The following LRRC37A2 variants were observed in gnomAD, a reference collection of about 807,000 sequenced individuals.
The protein encoded by LRRC37A2 is leucine-rich repeat-containing protein 37A2.
Under a neutral mutation model 68.8 loss-of-function variants are expected in LRRC37A2, and 9 were observed. The ratio of observed to expected loss-of-function variants is 0.13; its 90% CI spans 0.08 to 0.23. LRRC37A2 has a LOEUF of 0.23. LRRC37A2 is among the 10% of genes least tolerant of loss of function. The pLI is 1.00. For missense variants in LRRC37A2, 168 were observed against 950.4 expected (o/e 0.18, Z 10.82); for synonymous variants, 63 against 367.6 (o/e 0.17, Z 9.48).
chr17:46,557,152 G>A (rs1241079711), downstream of LRRC37A2: 3 of 557,568 alleles, frequency 5.4e-6, no homozygotes, highest in African/African-American at 6.3e-5. Flanking sequence ...ATTTCCAAGG[G>A]TTTTAGGAGC....
intron 11 of LRRC37A2, among the ~76,000 whole-genome samples, chr17:46,551,771 CCT>C (rs1324891664): frequency 7.8e-6 from 1 of 127,710 alleles, no homozygotes; most frequent in East Asian, 2.3e-4. Flanking sequence ...ACAGCTAGGC[CCT>C]GTCTTAAAAA....
chr17:46,920,895 G>A, the LRRC37A2 span, among the ~76,000 whole-genome samples: 2 of 152,160 alleles, frequency 1.3e-5, no homozygotes, highest in Admixed American at 6.5e-5. Flanking sequence ...GAAATCAGAA[G>A]AGAGGGAAAA....
At chr17:46,939,314 T>G in the LRRC37A2 span, 4 of 1,012,876 alleles carry the variant, frequency 3.9e-6, no homozygotes, top group Non-Finnish European at 4.7e-6. Context: ...CTTGTCACCA[T>G]TCCCTGGAAG....
chr17:46,880,325 CA>C, the LRRC37A2 span, among the ~76,000 whole-genome samples: 1 of 152,218 alleles, frequency 6.6e-6, no homozygotes, highest in Non-Finnish European at 1.5e-5. Flanking sequence ...CCATGAACTT[CA>C]AATGCTTTCT....
intron 11 of LRRC37A2, chr17:46,553,139 C>A (rs1598559449): frequency 1.6e-6 from 1 of 608,682 alleles, no homozygotes; most frequent in South Asian, 8.1e-5. Flanking sequence ...AAATATTACA[C>A]CATTATATGT....
At chr17:46,911,797 T>A in the LRRC37A2 span, among the ~76,000 whole-genome samples, 1 of 152,096 alleles carries the variant, frequency 6.6e-6, no homozygotes, top group Non-Finnish European at 1.5e-5. Flanking sequence ...GGCAGGAGAA[T>A]CGCTTGAACT....
chr17:46,805,810 C>A, the LRRC37A2 span, among the ~76,000 whole-genome samples: 1 of 152,104 alleles, frequency 6.6e-6, no homozygotes, highest in African/African-American at 2.4e-5. Flanking sequence ...AAAACCTGGG[C>A]CTGGATTAAG....
At chr17:46,496,966 TTAG>T in the LRRC37A2 span, among the ~76,000 whole-genome samples, 7 of 144,134 alleles carry the variant, frequency 4.9e-5, no homozygotes, top group East Asian at 1.4e-3. Context: ...GTGTTTTATA[TTAG>T]TAGTATAATA....
the LRRC37A2 span, among the ~76,000 whole-genome samples, chr17:46,840,701 G>A: frequency 2.0e-5 from 3 of 152,178 alleles, no homozygotes; most frequent in Non-Finnish European, 4.4e-5. Flanking sequence ...ATTCTAACTG[G>A]CGTGAGATGG....
At chr17:46,948,492 T>A in the LRRC37A2 span, 1 of 152,262 alleles carries the variant, frequency 6.6e-6, no homozygotes. Flanking sequence ...CCTGTGTTCT[T>A]CATCAGAAGA....
At chr17:46,711,145 T>A in the LRRC37A2 span, 1 of 1,469,600 alleles carries the variant, frequency 6.8e-7, no homozygotes, top group Non-Finnish European at 9.0e-7. Context: ...GAGATGGCAT[T>A]AAAAGTTAAA....
At chr17:47,007,617 T>TG in the LRRC37A2 span, among the ~76,000 whole-genome samples, 1 of 152,236 alleles carries the variant, frequency 6.6e-6, no homozygotes, top group Non-Finnish European at 1.5e-5. Context: ...AATGAATCTT[T>TG]GGCCAATAAC....
chr17:46,996,323 G>A, the LRRC37A2 span, among the ~76,000 whole-genome samples: 5 of 152,222 alleles, frequency 3.3e-5, no homozygotes, highest in African/African-American at 1.2e-4. Context: ...GGTGGGCCTA[G>A]TGCAAGCACT....
chr17:46,919,967 G>GA, the LRRC37A2 span, among the ~76,000 whole-genome samples: 219 of 151,226 alleles, frequency 1.4e-3, no homozygotes, highest in African/African-American at 4.9e-3. Flanking sequence ...AAGAAAGAAA[G>GA]AAAAAAAAAT....
At chr17:46,900,178 T>TAC in the LRRC37A2 span, among the ~76,000 whole-genome samples, 2 of 103,108 alleles carry the variant, frequency 1.9e-5, no homozygotes, top group African/African-American at 5.3e-5. Context: ...CATATATATA[T>TAC]ATATATATAT....
the LRRC37A2 span, among the ~76,000 whole-genome samples, chr17:46,742,847 G>A: frequency 7.2e-5 from 11 of 152,328 alleles, no homozygotes; most frequent in East Asian, 2.1e-3. Flanking sequence ...AAGCACTATG[G>A]CAAGGTAGAA....
the LRRC37A2 span, among the ~76,000 whole-genome samples, chr17:46,998,018 G>C: frequency 2.3e-4 from 34 of 150,950 alleles, no homozygotes; most frequent in African/African-American, 8.3e-4. Context: ...AGATGGAAGA[G>C]GAATCCATGG....
chr17:47,044,271 T>C, the LRRC37A2 span, among the ~76,000 whole-genome samples: 3 of 151,532 alleles, frequency 2.0e-5, no homozygotes, highest in African/African-American at 7.3e-5. Context: ...ACAATCCTGG[T>C]AACAGTTCTA....
the LRRC37A2 span, among the ~76,000 whole-genome samples, chr17:46,790,685 T>C: frequency 6.6e-6 from 1 of 152,044 alleles, no homozygotes; most frequent in Non-Finnish European, 1.5e-5. Context: ...TCCCCCATCA[T>C]CTCTCTCCTT....
Sources: gnomAD v4.1 joint callset for allele counts (sites outside exome capture counted in the v4.1 genomes callset) on GRCh38, gnomAD v4.1.1 for gene constraint, MANE v1.5 for transcripts, NCBI Gene and HGNC (gene_info 2026-07-23, HGNC 2026-07-21) for gene names.